The following RILPL1 variants were observed in gnomAD, a reference collection of about 807,000 sequenced individuals.
RILPL1 encodes RILP-like protein 1.
Under a neutral mutation model 50.3 loss-of-function variants are expected in RILPL1, and 33 were observed. The observed-to-expected ratio is 0.66, with a 90% CI of 0.50 to 0.88. The LOEUF (loss-of-function observed/expected upper bound fraction) is 0.88, where lower values mean the gene tolerates loss of function less well. Ranked by LOEUF, RILPL1 falls within the 40% of genes least tolerant of loss-of-function variation. RILPL1 has a pLI of 0.00. For synonymous variants in RILPL1, 205 were observed against 228.6 expected (o/e 0.90, Z 0.93); for missense variants, 418 against 542.5 (o/e 0.77, Z 2.28).
At position 123,488,248 on chromosome 12, in the gene RILPL1, G is replaced by A. The variant is rs145283499; in HGVS notation, c.802-2443C>T. Among the ~76,000 whole-genome samples, 665 of 152,084 alleles carry A rather than the reference G, an allele frequency of 4.4e-3. 5 individuals carry two copies. The highest frequency in any genetic ancestry group is 0.015 in the African/African-American group (613 of 41,476). On this transcript the variant is annotated intron_variant, in intron 4 of 6. Transcript: ENST00000376874. ...GAACCCAGGAGATTCAGACCAGCCC[G>A]GGCAACATAGCAAGACCTCATGTCT...
At chr12:123,529,869 G>A (rs1885387561) in intron 1 of RILPL1, among the ~76,000 whole-genome samples, 1 of 62,002 alleles carries the variant, frequency 1.6e-5, no homozygotes, top group South Asian at 7.4e-4. Context: ...GTACGTCCCT[G>A]ACTCAAAAAA....
intron 2 of RILPL1, among the ~76,000 whole-genome samples, chr12:123,509,517 C>T (rs527519019): frequency 2.3e-4 from 34 of 150,386 alleles, no homozygotes; most frequent in Admixed American, 5.3e-4. Flanking sequence ...GAGCTGAGAT[C>T]GTGCCACTGC....
rs148864187 is a variant in RILPL1 at position 123,496,779 on chromosome 12, C to T, written c.801+1765G>A. Among the ~76,000 whole-genome samples the T allele has an allele frequency of 7.8e-3, 1,187 of 152,340 alleles. 5 individuals carry two copies. The highest frequency in any genetic ancestry group is 0.019 in the African/African-American group (776 of 41,578). On this transcript the variant is annotated intron_variant, in intron 4 of 6. Coordinates refer to ENST00000376874, the MANE Select transcript of RILPL1 (RefSeq NM_178314.5). ...TTTAAGGAACAGACACCGCTAGTGC[C>T]CACTTTGTAGCCCTGGGCCTACCTG... is the stretch of plus-strand genomic sequence containing the variant.
At chr12:123,508,258 G>A (rs1350292492) in intron 2 of RILPL1, among the ~76,000 whole-genome samples, 5 of 152,172 alleles carry the variant, frequency 3.3e-5, no homozygotes, top group Non-Finnish European at 7.3e-5. Flanking sequence ...GCCAGGCGTG[G>A]TGGCCCACGC....
intron 6 of RILPL1, among the ~76,000 whole-genome samples, chr12:123,479,517 G>A (rs565133588): frequency 6.6e-6 from 1 of 152,132 alleles, no homozygotes; most frequent in Non-Finnish European, 1.5e-5. Context: ...CATTCCCTGC[G>A]CCAGCCCAGG....
intron 6 of RILPL1, among the ~76,000 whole-genome samples, chr12:123,481,825 G>A (rs1882023206): frequency 6.6e-6 from 1 of 151,846 alleles, no homozygotes; most frequent in African/African-American, 2.4e-5. Flanking sequence ...CCAAAGTGCT[G>A]GGATTACAAG....
chr12:123,479,609 T>C (rs1481672293), intron 6 of RILPL1, among the ~76,000 whole-genome samples: 1 of 151,926 alleles, frequency 6.6e-6, no homozygotes, highest in South Asian at 2.1e-4. Flanking sequence ...GCAGTAGAGG[T>C]GGACAAAGGC....
rs1885527448 is a variant in RILPL1, at chr12:123,533,539, C to A, written c.-57G>T. On this transcript the variant is annotated 5_prime_UTR_variant, in exon 1 of 7. Transcript: ENST00000376874. The surrounding 1 kb of genome is among the most constrained non-coding windows in gnomAD (Gnocchi z 6.2). Reference sequence around the variant, plus strand: ...AAACTCGTGCAACTCCCAAACTTGCCGCTGTCGAGGGCCGGGCCGGCCGGG... The same window carrying A: ...AAACTCGTGCAACTCCCAAACTTGCAGCTGTCGAGGGCCGGGCCGGCCGGG... 1 of 1,397,962 alleles carries A rather than the reference C, an allele frequency of 7.2e-7. No individual in the cohort carries two copies. The allele number at this position is 1,397,962 out of a possible 1,614,324, so 86.6% of individuals were successfully genotyped here. A position where few individuals can be genotyped will look rare whatever the true frequency, so the allele number is the denominator to read the frequency against.
intron 2 of RILPL1, among the ~76,000 whole-genome samples, chr12:123,512,852 TTG>T (rs759821033): frequency 1.1e-4 from 12 of 107,734 alleles, no homozygotes; most frequent in South Asian, 3.2e-4. Context: ...TGTGTGAGGT[TTG>T]TGTGTGTGTG....
chr12:123,511,634 AGG>A, intron 2 of RILPL1, among the ~76,000 whole-genome samples: 1 of 84,162 alleles, frequency 1.2e-5, no homozygotes, highest in Non-Finnish European at 2.3e-5. Flanking sequence ...GTGGTGTGTG[AGG>A]TCTGTGTGTG....
At chr12:123,530,133 C>T (rs984371494) in intron 1 of RILPL1, among the ~76,000 whole-genome samples, 2 of 152,056 alleles carry the variant, frequency 1.3e-5, no homozygotes, top group Non-Finnish European at 2.9e-5. Context: ...TACTGGGTCC[C>T]ATAAGATATA....
rs538197462 is a variant in RILPL1 at position 123,500,012 on chromosome 12, G to A, written c.461-476C>T. 2.9e-3 allele frequency among the ~76,000 whole-genome samples: 432 copies of A among 150,428 alleles called. 1 individual carries two copies. Among genetic ancestry groups the A allele is most frequent in the African/African-American group, 9.4e-3 (387 of 40,966 alleles). ...AGTGGCGCGATCTCGGCTCACTGCAGGCTCCTCCTCCCGGGTTCACACCAT... is the reference window on the plus strand; with the variant it reads ...AGTGGCGCGATCTCGGCTCACTGCAAGCTCCTCCTCCCGGGTTCACACCAT... On this transcript the variant is annotated intron_variant, in intron 2 of 6. Coordinates refer to ENST00000376874, the MANE Select transcript of RILPL1 (RefSeq NM_178314.5).
chr12:123,507,953 G>GAAAA (rs56309765), intron 2 of RILPL1, among the ~76,000 whole-genome samples: 1 of 115,008 alleles, frequency 8.7e-6, no homozygotes, highest in Non-Finnish European at 1.8e-5. Context: ...AAAAAAAAAA[G>GAAAA]AAAAAAAAAA....
At chr12:123,528,948 C>T (rs1366583794) in intron 1 of RILPL1, among the ~76,000 whole-genome samples, 2 of 152,106 alleles carry the variant, frequency 1.3e-5, no homozygotes, top group South Asian at 2.1e-4. Context: ...TCCCTCAGCA[C>T]CAAGAGTCCT....
At chr12:123,532,211 G>C (rs1268931506) in intron 1 of RILPL1, among the ~76,000 whole-genome samples, 3 of 152,226 alleles carry the variant, frequency 2.0e-5, no homozygotes, top group Non-Finnish European at 2.9e-5. Flanking sequence ...TCAAGGAAAG[G>C]TGTTTCCTCC....
intron 2 of RILPL1, among the ~76,000 whole-genome samples, chr12:123,521,400 A>G (rs1228982800): frequency 6.6e-6 from 1 of 151,774 alleles, no homozygotes; most frequent in Non-Finnish European, 1.5e-5. Flanking sequence ...TTTCATTGTT[A>G]CTAATCAAAT....
chr12:123,502,596 C>T (rs1306028569), intron 2 of RILPL1, among the ~76,000 whole-genome samples: 1 of 151,562 alleles, frequency 6.6e-6, no homozygotes, highest in African/African-American at 2.4e-5. Context: ...GACTGTCAGC[C>T]ACAGGAGGGC....
intron 2 of RILPL1, among the ~76,000 whole-genome samples, chr12:123,512,174 TGTGTG>T (rs1490713095): frequency 1.4e-5 from 2 of 143,658 alleles, no homozygotes; most frequent in Admixed American, 1.4e-4. Context: ...GGTCTGTGTG[TGTGTG>T]GTGTGTGAGG....
rs1480484808 is a variant in RILPL1, at chr12:123,485,771, G to T, written c.836C>A (p.Ala279Glu). 6 of 1,611,116 alleles carry T rather than the reference G, an allele frequency of 3.7e-6. No homozygotes were observed. The South Asian group carries it at 6.6e-5, about 18-fold the overall frequency. Residue 279 changes from alanine (A) to glutamate (E), a missense_variant, in exon 5 of 7, where the codon GCA (alanine) becomes GAA (glutamate). Transcript: ENST00000376874. The surrounding 1 kb of genome is among the most constrained non-coding windows in gnomAD (Gnocchi z 4.0). ...CTTGAGATCCATGGCCACCTTCTCT[G>T]CGTCGGAGATGCTCTCCTCTCCCAC... ...EPVGEESISD[A>E]EKVAMDLKDP...
Sources: allele counts gnomAD v4.1 joint callset (sites outside exome capture counted in the v4.1 genomes callset), GRCh38; gene constraint gnomAD v4.1.1; non-coding constraint Gnocchi (gnomAD v3.1); transcripts MANE v1.5; gene names NCBI Gene and HGNC (gene_info 2026-07-23, HGNC 2026-07-21).